The following CNTNAP4 variants were observed in gnomAD, a reference collection of about 807,000 sequenced individuals.
The protein encoded by CNTNAP4 is contactin associated protein family member 4.
Under a neutral mutation model 148.4 loss-of-function variants are expected in CNTNAP4, and 98 were observed. The observed-to-expected ratio is 0.66, with a 90% confidence interval of 0.56 to 0.78. The LOEUF (loss-of-function observed/expected upper bound fraction) is 0.78, where lower values mean the gene tolerates loss of function less well. CNTNAP4 is among the 30% of genes least tolerant of loss of function. The pLI is 0.00. For synonymous variants in CNTNAP4, 730 were observed against 565.1 expected (o/e 1.29, Z -4.14); for missense variants, 1,935 against 1,565.6 (o/e 1.24, Z -3.98).
intron 18 of CNTNAP4, 44 bp downstream of exon 18, chr16:76,535,828 G>A: frequency 6.4e-7 from 1 of 1,570,088 alleles, no homozygotes; most frequent in Non-Finnish European, 8.7e-7. Context: ...TTTATTCAAT[G>A]TGGATTAAAT....
At chr16:76,371,171 T>A (rs887533797) in intron 3 of CNTNAP4, among the ~76,000 whole-genome samples, 1 of 152,202 alleles carries the variant, frequency 6.6e-6, no homozygotes, top group Admixed American at 6.5e-5. Flanking sequence ...TGGGAAAAAA[T>A]AGCAAACATC....
At chr16:76,314,624 C>T (rs150633074) in intron 1 of CNTNAP4, among the ~76,000 whole-genome samples, 51 of 152,296 alleles carry the variant, frequency 3.3e-4, no homozygotes, top group African/African-American at 1.1e-3. Context: ...GACATCAGGA[C>T]ACGCCCAAGT....
chr16:76,355,889 T>C (rs1392490001), intron 3 of CNTNAP4, among the ~76,000 whole-genome samples: 2 of 137,848 alleles, frequency 1.5e-5, no homozygotes, highest in Admixed American at 7.5e-5. Context: ...TATTTATTTA[T>C]TTTTGAAACA....
At chr16:76,390,725 G>A (rs1342481005) in intron 3 of CNTNAP4, among the ~76,000 whole-genome samples, 1 of 152,080 alleles carries the variant, frequency 6.6e-6, no homozygotes, top group East Asian at 1.9e-4. Flanking sequence ...ACAATTCTAG[G>A]ATTTTTATTT....
intron 1 of CNTNAP4, among the ~76,000 whole-genome samples, chr16:76,293,672 T>C (rs891804082): frequency 6.6e-6 from 1 of 152,170 alleles, no homozygotes; most frequent in African/African-American, 2.4e-5. Flanking sequence ...TTCATAGTTT[T>C]ATAGCTCTTT....
chr16:76,560,454 G>A lies in CNTNAP4; in HGVS notation c.*1771G>A, dbSNP rs992444147. Among the ~76,000 whole-genome samples the A allele has an allele frequency of 3.3e-5, 5 of 152,174 alleles. No individual in the cohort carries two copies. The highest frequency in any genetic ancestry group is 1.2e-4 in the African/African-American group (5 of 41,450). On this transcript the variant is annotated 3_prime_UTR_variant, in exon 24 of 24. Transcript: ENST00000611870. ...TCTTTGTTTGATTGGAAGATCTATGGTGACAAGGGAAGGATTTAACATAGA... is the reference window on the plus strand; with the variant it reads ...TCTTTGTTTGATTGGAAGATCTATGATGACAAGGGAAGGATTTAACATAGA...
At chr16:76,542,795 T>C (rs913198348) in intron 21 of CNTNAP4, among the ~76,000 whole-genome samples, 2 of 152,220 alleles carry the variant, frequency 1.3e-5, no homozygotes, top group Non-Finnish European at 2.9e-5. Context: ...CCCCAAACTC[T>C]ACACTAGTAC....
At position 76,553,911 on chromosome 16, in the gene CNTNAP4, A is replaced by G. The variant is rs781564871; in HGVS notation, c.3733+4A>G. ...AGTGACTCTGCAGTAATTGGAGGTAATAAGAAGCATGAATGAGCTCTTCTT... is the reference window on the plus strand; with the variant it reads ...AGTGACTCTGCAGTAATTGGAGGTAGTAAGAAGCATGAATGAGCTCTTCTT... On this transcript the variant is annotated splice_donor_region_variant and intron_variant, in intron 23 of 23. Coordinates refer to ENST00000611870, the MANE Select transcript of CNTNAP4 (RefSeq NM_033401.5). 5.7e-6 allele frequency: 9 copies of G among 1,565,670 alleles called. No homozygotes were observed. Among genetic ancestry groups the G allele is most frequent in the Admixed American group, 1.7e-5 (1 of 59,764 alleles).
chr16:76,280,285 C>T (rs1958637316), intron 1 of CNTNAP4, among the ~76,000 whole-genome samples: 2 of 152,030 alleles, frequency 1.3e-5, no homozygotes, highest in South Asian at 4.1e-4. Context: ...ATTAGGTGCA[C>T]TTTAATTTGA....
chr16:76,366,084 A>T (rs17699232), intron 3 of CNTNAP4, among the ~76,000 whole-genome samples: 21,372 of 151,796 alleles, frequency 0.14, 2,133 homozygotes, highest in East Asian at 0.47. Flanking sequence ...AAGTTTTTTT[A>T]TCTTTGTGCA....
chr16:76,400,720 G>A (rs1018305340), intron 3 of CNTNAP4, among the ~76,000 whole-genome samples: 1 of 152,144 alleles, frequency 6.6e-6, no homozygotes, highest in Non-Finnish European at 1.5e-5. Context: ...TTTGTATATG[G>A]TGTAAGGAAG....
intron 3 of CNTNAP4, among the ~76,000 whole-genome samples, chr16:76,419,928 A>T (rs1384560726): frequency 6.6e-6 from 1 of 152,034 alleles, no homozygotes; most frequent in African/African-American, 2.4e-5. Flanking sequence ...GCCCCACCTC[A>T]TGACCTTATC....
intron 1 of CNTNAP4, among the ~76,000 whole-genome samples, chr16:76,315,739 C>T (rs142415896): frequency 2.2e-4 from 34 of 152,104 alleles, no homozygotes; most frequent in Admixed American, 5.9e-4. Flanking sequence ...AGACTACAGG[C>T]GTGTGCCACC....
intron 2 of CNTNAP4, among the ~76,000 whole-genome samples, chr16:76,329,744 TTAA>T: frequency 6.6e-6 from 1 of 152,172 alleles, no homozygotes; most frequent in Non-Finnish European, 1.5e-5. Context: ...TGATATATAA[TTAA>T]TAGTAACAGT....
rs928922524 is a variant in CNTNAP4, at chr16:76,489,961, T to C, written c.2080+78T>C. 5.1e-6 allele frequency: 5 copies of C among 979,556 alleles called. No individual in the cohort carries two copies. In the African/African-American group the frequency reaches 8.0e-5, roughly 16 times the overall value. The allele number at this position is 979,556 out of a possible 1,614,324, so 60.7% of individuals were successfully genotyped here. ...TCAACTAGCTCCTGAGAATTTTAAG[T>C]CTGCAAAGTGGTGGTGTCTAGCCAC... On this transcript the variant is annotated intron_variant, in intron 13 of 23. Coordinates refer to ENST00000611870, the MANE Select transcript of CNTNAP4 (RefSeq NM_033401.5).
chr16:76,466,775 G>T (rs928235108), intron 9 of CNTNAP4, among the ~76,000 whole-genome samples: 1 of 151,978 alleles, frequency 6.6e-6, no homozygotes, highest in African/African-American at 2.4e-5. Context: ...AAATATTTTT[G>T]ATATTAAGCC....
chr16:76,539,634 C>A, intron 19 of CNTNAP4, 85 bp from the exon 20 acceptor site: 1 of 1,114,264 alleles, frequency 9.0e-7, no homozygotes, highest in Non-Finnish European at 1.3e-6. Flanking sequence ...GAATAAATAG[C>A]AACAAAAAAT....
At chr16:76,541,870 T>A (rs975422212) in intron 21 of CNTNAP4, among the ~76,000 whole-genome samples, 1 of 152,194 alleles carries the variant, frequency 6.6e-6, no homozygotes, top group African/African-American at 2.4e-5. Context: ...GAAAAAAATA[T>A]GTGCAAAGTA....
chr16:76,340,020 T>G (rs771239196), intron 2 of CNTNAP4, among the ~76,000 whole-genome samples: 3 of 152,172 alleles, frequency 2.0e-5, no homozygotes, highest in Non-Finnish European at 4.4e-5. Flanking sequence ...TCAAATAAAA[T>G]TGTGGAGAAC....
Sources: allele counts gnomAD v4.1 joint callset (sites outside exome capture counted in the v4.1 genomes callset), GRCh38; gene constraint gnomAD v4.1.1; transcripts MANE v1.5; gene names NCBI Gene and HGNC (gene_info 2026-07-23, HGNC 2026-07-21).